Variants in OTOGL observed in about 807,000 individuals in gnomAD.
OTOGL encodes the protein otogelin like, also known as otogelin-like protein.
In OTOGL, 285 loss-of-function variants were observed where a neutral mutation model predicts 318.5. The ratio of observed to expected loss-of-function variants is 0.89; its 90% CI spans 0.81 to 0.99. The LOEUF (loss-of-function observed/expected upper bound fraction) is 0.99. Ranked by LOEUF, OTOGL falls within the 50% of genes least tolerant of loss-of-function variation. OTOGL has a pLI of 0.00. For missense variants in OTOGL, 2,899 were observed against 2,845.6 expected (o/e 1.02, Z -0.43); for synonymous variants, 987 against 936.5 (o/e 1.05, Z -0.99).
chr12:80,344,971 G>T (rs1889065313), intron 44 of OTOGL, among the ~76,000 whole-genome samples: 1 of 141,648 alleles, frequency 7.1e-6, no homozygotes, highest in African/African-American at 2.6e-5. Context: ...ATTTAAAGAA[G>T]GCATTGGCTA....
chr12:80,315,843 T>C (rs572619456), intron 32 of OTOGL, among the ~76,000 whole-genome samples: 2 of 152,288 alleles, frequency 1.3e-5, no homozygotes, highest in African/African-American at 4.8e-5. Flanking sequence ...AATTATGTCC[T>C]GTTCAAGATT....
At chr12:80,368,777 C>A (rs991306131) in intron 55 of OTOGL, among the ~76,000 whole-genome samples, 1 of 150,490 alleles carries the variant, frequency 6.6e-6, no homozygotes, top group South Asian at 2.1e-4. Flanking sequence ...GAATTCTTTA[C>A]TGATCTGTAA....
At chr12:80,314,169 C>G (rs1034487906) in intron 31 of OTOGL, 136 bp from the exon 32 acceptor site, 3 of 301,758 alleles carry the variant, frequency 9.9e-6, no homozygotes, top group Non-Finnish European at 1.9e-5. Flanking sequence ...CTTCTTTGCT[C>G]AGAAAAAGTT....
intron 14 of OTOGL, 28 bp from the exon 15 acceptor site, chr12:80,254,496 A>T (rs2137513054): frequency 1.3e-6 from 2 of 1,575,866 alleles, no homozygotes; most frequent in East Asian, 4.5e-5. Context: ...CTATGCCAAT[A>T]GATTAATATT....
intron 29 of OTOGL, among the ~76,000 whole-genome samples, chr12:80,307,748 C>T (rs1251116637): frequency 2.1e-5 from 3 of 144,824 alleles, no homozygotes; most frequent in East Asian, 2.2e-4. Flanking sequence ...GGGCAGACCC[C>T]GCCACCTCCC....
At chr12:80,307,806 T>A (rs1241988469) in intron 29 of OTOGL, among the ~76,000 whole-genome samples, 5 of 109,538 alleles carry the variant, frequency 4.6e-5, no homozygotes, top group Admixed American at 9.2e-5. Flanking sequence ...CACTTCCCAG[T>A]AGGGGCGGCC....
At chr12:80,134,108 T>C (rs1871401638) in intron 1 of OTOGL, among the ~76,000 whole-genome samples, 1 of 152,208 alleles carries the variant, frequency 6.6e-6, no homozygotes, top group Non-Finnish European at 1.5e-5. Context: ...AATGTTACCA[T>C]CCTATTATTC....
intron 8 of OTOGL, among the ~76,000 whole-genome samples, chr12:80,231,663 C>G (rs1028572093): frequency 1.3e-5 from 2 of 151,942 alleles, no homozygotes; most frequent in African/African-American, 4.8e-5. Flanking sequence ...TAAACAGAGT[C>G]TCACTCTGTT....
At chr12:80,237,040 C>A (rs1159006998) in intron 9 of OTOGL, among the ~76,000 whole-genome samples, 3 of 152,008 alleles carry the variant, frequency 2.0e-5, no homozygotes, top group Non-Finnish European at 4.4e-5. Context: ...GTCTCGTACT[C>A]CTGGCCTCCT....
intron 35 of OTOGL, among the ~76,000 whole-genome samples, chr12:80,325,469 A>G (rs1887620981): frequency 6.6e-6 from 1 of 152,212 alleles, no homozygotes; most frequent in African/African-American, 2.4e-5. Flanking sequence ...CAGAGGAGAA[A>G]ACCAACCGAG....
intron 35 of OTOGL, among the ~76,000 whole-genome samples, chr12:80,324,826 A>G (rs1172544039): frequency 1.3e-5 from 2 of 152,206 alleles, no homozygotes; most frequent in African/African-American, 2.4e-5. Flanking sequence ...TTGGTAGCCA[A>G]ATTGGTCAAA....
Position 80,275,744 on chromosome 12 carries a change from C to T in OTOGL, c.2682-2424C>T, listed in dbSNP as rs1471530245. 4.0e-5 allele frequency among the ~76,000 whole-genome samples: 6 copies of T among 151,792 alleles called. No homozygotes were observed. The Admixed American group carries it at 4.0e-4, about 10-fold the overall frequency. ...CACAGATATCCCAGCCTTCAGCAAC[C>T]ACCACCCTGATTAGTCAGCAGCCAT... On this transcript the variant is annotated intron_variant, in intron 24 of 58. Transcript: ENST00000547103.
At chr12:80,302,038 A>AT (rs144944911) in intron 27 of OTOGL, among the ~76,000 whole-genome samples, 32 of 150,526 alleles carry the variant, frequency 2.1e-4, no homozygotes, top group Admixed American at 9.3e-4. Context: ...GCAGCATACA[A>AT]TTTTTTTTTT....
chr12:80,221,846 C>G (rs1878374179), intron 6 of OTOGL, among the ~76,000 whole-genome samples: 1 of 152,058 alleles, frequency 6.6e-6, no homozygotes, highest in Admixed American at 6.6e-5. Flanking sequence ...TCTTTGAAAA[C>G]AAAAGTTAAG....
intron 9 of OTOGL, among the ~76,000 whole-genome samples, chr12:80,235,901 A>G (rs565288722): frequency 1.2e-4 from 19 of 152,292 alleles, no homozygotes; most frequent in African/African-American, 4.3e-4. Context: ...CTGCCTTTCT[A>G]TTTCCTCCCA....
intron 1 of OTOGL, among the ~76,000 whole-genome samples, chr12:80,167,677 G>A (rs374308928): frequency 2.0e-5 from 3 of 151,880 alleles, no homozygotes; most frequent in Non-Finnish European, 4.4e-5. Flanking sequence ...TATTTCACTT[G>A]TCTCTAGTTA....
intron 1 of OTOGL, among the ~76,000 whole-genome samples, chr12:80,189,083 T>A (rs561527212): frequency 2.6e-5 from 4 of 152,306 alleles, no homozygotes; most frequent in African/African-American, 7.2e-5. Flanking sequence ...TACTCCACCA[T>A]TTTTTGGCAA....
At position 80,380,356 on chromosome 12, in the gene OTOGL, G is replaced by A. The variant is rs1891389326; in HGVS notation, c.*2308G>A. 1 of 151,816 alleles carries A rather than the reference G, an allele frequency of 6.6e-6. No homozygotes were observed. Among genetic ancestry groups the A allele is most frequent in the Non-Finnish European group, 1.5e-5 (1 of 67,878 alleles). The allele number at this position is 151,816 out of a possible 1,614,324, so 9.4% of individuals were successfully genotyped here. A position where few individuals can be genotyped will look rare whatever the true frequency, so the allele number is the denominator to read the frequency against. On this transcript the variant is annotated 3_prime_UTR_variant, in exon 59 of 59. Transcript: ENST00000547103. The stretch of plus-strand genomic sequence containing the variant: ...AGATAAAAGCAAAGAAACAATATTT[G>A]TGACATATCAGTGACACAGTCTAAT...
chr12:80,356,351 C>T, intron 47 of OTOGL, 65 bp from the exon 48 acceptor site: 1 of 1,260,592 alleles, frequency 7.9e-7, no homozygotes, highest in South Asian at 1.4e-5. Flanking sequence ...CAGTCATTTC[C>T]CTGCTTTGAG....
Sources: gnomAD v4.1 joint callset for allele counts (sites outside exome capture counted in the v4.1 genomes callset) on GRCh38, gnomAD v4.1.1 for gene constraint, MANE v1.5 for transcripts, NCBI Gene and HGNC (gene_info 2026-07-23, HGNC 2026-07-21) for gene names.